Variants in MMP14 observed in about 807,000 individuals in gnomAD.
MMP14 encodes matrix metalloproteinase-14.
Under a neutral mutation model 64.8 loss-of-function variants are expected in MMP14, and 13 were observed. The ratio of observed to expected loss-of-function variants is 0.20; its 90% CI spans 0.13 to 0.32. The LOEUF is 0.32. Ranked by LOEUF, MMP14 falls within the 10% of genes least tolerant of loss-of-function variation. MMP14 has a pLI of 1.00. For synonymous variants in MMP14, 322 were observed against 315.9 expected (o/e 1.02, Z -0.20); for missense variants, 594 against 783.8 (o/e 0.76, Z 2.89).
chr14:22,837,522 C>T, intron 1 of MMP14: 1 of 378,626 alleles, frequency 2.6e-6, no homozygotes, highest in Admixed American at 3.4e-5. Flanking sequence ...CTACCCGCAT[C>T]CCTGGCGTCG....
Position 22,843,942 on chromosome 14 carries a change from TC to T in MMP14, c.1011+74del, listed in dbSNP as rs1467589571. ...TGGGCATGGTGGCTCATGCCTGTAA[TC>T]CTAGCACTTTGAGAGGCCAAGGCAG... On this transcript the variant is annotated intron_variant, in intron 6 of 9. Coordinates refer to ENST00000311852, the MANE Select transcript of MMP14 (RefSeq NM_004995.4). This position sits in a 1 kb window ranked among gnomAD's most constrained non-coding sequence, Gnocchi z 4.8. 6 of 1,566,304 alleles carry T rather than the reference TC, an allele frequency of 3.8e-6. No individual in the cohort carries two copies. The African/African-American group carries it at 6.9e-5, about 18-fold the overall frequency.
In MMP14 at chr14:22,843,722, G is replaced by C. The variant is rs138573365; in HGVS notation, c.863G>C (p.Gly288Ala). The change falls in exon 6 of 10, where the codon GGG (glycine) becomes GCG (alanine). Residue 288 changes from glycine to alanine, a missense_variant. Around this residue, in one of 4 missense-constraint regions of MMP14, gnomAD observed 364 missense variants for 425.2 expected, o/e 0.86. Transcript: ENST00000311852. This position sits in a 1 kb window ranked among gnomAD's most constrained non-coding sequence, Gnocchi z 4.8. ...GIQQLYGGES[G>A]FPTKMPPQPR... ...TTTTCTGCCCCAGGGGGTGAGTCAGGGTTCCCCACCAAGATGCCCCCTCAA... is the reference window on the plus strand; with the variant it reads ...TTTTCTGCCCCAGGGGGTGAGTCAGCGTTCCCCACCAAGATGCCCCCTCAA... 4 of 1,590,542 alleles carry C rather than the reference G, an allele frequency of 2.5e-6. No individual in the cohort carries two copies. Among genetic ancestry groups the C allele is most frequent in the East Asian group, 2.2e-5 (1 of 44,626 alleles).
Position 22,844,295 on chromosome 14 carries a change from C to A in MMP14, c.1012-76C>A, listed in dbSNP as rs183098546. 52 of 1,581,402 alleles carry A rather than the reference C, an allele frequency of 3.3e-5. 1 individual carries two copies. The East Asian group carries it at 8.3e-4, about 25-fold the overall frequency. On this transcript the variant is annotated intron_variant, in intron 6 of 9. Coordinates refer to ENST00000311852, the MANE Select transcript of MMP14 (RefSeq NM_004995.4). ...TAAAACTGAGGAACAAACAGCAGTG[C>A]GGGAGCTTTGGGGACTGAACCAGAG...
rs1189817131 is a variant in MMP14 at position 22,846,825 on chromosome 14, CAGGT to C, written c.*790_*793del. On this transcript the variant is annotated 3_prime_UTR_variant, in exon 10 of 10. Transcript: ENST00000311852. ...GAGCTGAAACCAGGGGTGCAGCTGT[CAGGT>C]AGGGTGGGGCCGGTGGGAGAGGCCC... The C allele has an allele frequency of 1.2e-4, 18 of 152,718 alleles. No homozygotes were observed. The highest frequency in any genetic ancestry group is 5.9e-5 in the Non-Finnish European group (4 of 68,198). The allele number at this position is 152,718 out of a possible 1,614,324, so 9.5% of individuals were successfully genotyped here.
chr14:22,846,189 C>A lies in MMP14; in HGVS notation c.*150C>A. On this transcript the variant is annotated 3_prime_UTR_variant, in exon 10 of 10. Transcript: ENST00000311852. The stretch of plus-strand genomic sequence containing the variant: ...TCTCTGTCCCCTGGCTGGCCTCCTT[C>A]ACCCTGACCGCCTCCCTCCCTCCTG... 1.3e-6 allele frequency: 1 copy of A among 743,366 alleles called. No homozygotes were observed. The highest frequency in any genetic ancestry group is 3.9e-4 in the Middle Eastern group (1 of 2,588). 46.0% of individuals were successfully genotyped at this position (743,366 alleles called of 1,614,324 possible). A position where few individuals can be genotyped will look rare whatever the true frequency, so the allele number is the denominator to read the frequency against.
intron 2 of MMP14, 69 bp downstream of exon 2, chr14:22,841,708 T>C: frequency 6.3e-7 from 1 of 1,597,196 alleles, no homozygotes; most frequent in East Asian, 2.2e-5. Flanking sequence ...GAGATGTTCC[T>C]ACCTGAATGC....
intron 1 of MMP14, among the ~76,000 whole-genome samples, chr14:22,841,111 A>T (rs1164002908): frequency 3.3e-5 from 5 of 152,250 alleles, no homozygotes; most frequent in Non-Finnish European, 7.3e-5. Flanking sequence ...CATCATGGGC[A>T]TAGCCCAGTC....
intron 9 of MMP14, 83 bp from the exon 10 acceptor site, chr14:22,845,625 C>T: frequency 1.4e-6 from 2 of 1,415,556 alleles, no homozygotes; most frequent in Non-Finnish European, 2.0e-6. Flanking sequence ...GCTGCCCTCA[C>T]ATTAACAGAG....
rs779266784 is a variant in MMP14, at chr14:22,845,839, G to C, written c.1549G>C (p.Gly517Arg). 4.3e-6 allele frequency: 7 copies of C among 1,614,202 alleles called. No individual in the cohort carries two copies. Among genetic ancestry groups the C allele is most frequent in the Non-Finnish European group, 5.9e-6 (7 of 1,180,042 alleles). Residue 517 changes from glycine (G) to arginine (R), a missense_variant, in exon 10 of 10, where the codon GGG (glycine) becomes CGG (arginine). This residue lies in a region of MMP14 where 364 missense variants were observed against 425.2 expected (regional missense o/e 0.86). Transcript: ENST00000311852. ...CCCATCGGGAGGCCGGCCGGATGAG[G>C]GGACTGAGGAGGAGACGGAGGTGAT... ...GCPSGGRPDEGTEEETEVIII... is the reference protein window; with the variant it reads ...GCPSGGRPDERTEEETEVIII...
chr14:22,837,668 A>G (rs1188807961), intron 1 of MMP14, among the ~76,000 whole-genome samples: 1 of 152,174 alleles, frequency 6.6e-6, no homozygotes, highest in East Asian at 1.9e-4. Context: ...TGTTGTTAAT[A>G]GTTTTTCTGT....
intron 9 of MMP14, 62 bp from the exon 10 acceptor site, chr14:22,845,646 T>C: frequency 1.3e-6 from 2 of 1,524,488 alleles, no homozygotes; most frequent in South Asian, 2.3e-5. Flanking sequence ...CTTCCCTCGC[T>C]CCTCTCCTCT....
intron 1 of MMP14, chr14:22,837,319 A>C (rs1419960855): frequency 1.1e-5 from 5 of 465,788 alleles, no homozygotes; most frequent in Non-Finnish European, 2.1e-5. Context: ...GTCATGCGCG[A>C]GAGTTTGTTG....
chr14:22,845,334 C>A lies in MMP14; in HGVS notation c.1385C>A (p.Ser462Tyr). 3 of 1,612,656 alleles carry A rather than the reference C, an allele frequency of 1.9e-6. No individual in the cohort carries two copies. Among genetic ancestry groups the A allele is most frequent in the Non-Finnish European group, 2.5e-6 (3 of 1,179,276 alleles). ...AAAGTCTGGGAAGGGATCCCTGAGT[C>A]TCCCAGAGGGTCATTCATGGGCAGC... is the stretch of plus-strand genomic sequence containing the variant. ...NIKVWEGIPE[S>Y]PRGSFMGSDE... Residue 462 changes from serine (S) to tyrosine (Y), a missense_variant, in exon 9 of 10, where the codon TCT (serine) becomes TAT (tyrosine). Around this residue, in one of 4 missense-constraint regions of MMP14, gnomAD observed 364 missense variants for 425.2 expected, o/e 0.86. Transcript: ENST00000311852.
rs564973724 is a variant in MMP14, at chr14:22,844,809, C to T, written c.1301+29C>T. 6 of 1,613,068 alleles carry T rather than the reference C, an allele frequency of 3.7e-6. No homozygotes were observed. The African/African-American group carries it at 5.3e-5, about 14-fold the overall frequency. On this transcript the variant is annotated intron_variant, in intron 8 of 9. Transcript: ENST00000311852. ...AGACCTCAACCCCTTAACCCCAGGC[C>T]TCCCTCAGAAACCACCACCACCCCA...
rs767809065 is a variant in MMP14 at position 22,842,536 on chromosome 14, G to A, written c.507G>A (p.Glu169=). Residue 169 remains glutamate, a synonymous_variant, in exon 4 of 10, where the codon GAG becomes GAA. Coordinates refer to ENST00000311852, the MANE Select transcript of MMP14 (RefSeq NM_004995.4). This position sits in a 1 kb window ranked among gnomAD's most constrained non-coding sequence, Gnocchi z 5.3. ...FREVPYAYIR[E]GHEKQADIMI... is the part of the protein sequence containing the mutation. ...AGGTGCCCTATGCCTACATCCGTGA[G>A]GGCCATGAGAAGCAGGCCGACATCA... 2.5e-5 allele frequency: 40 copies of A among 1,614,022 alleles called. No individual in the cohort carries two copies. The South Asian group carries it at 4.3e-4, about 17-fold the overall frequency.
In MMP14 at chr14:22,842,159, G is replaced by A; in HGVS notation, c.380+124G>A. 1 of 1,377,004 alleles carries A rather than the reference G, an allele frequency of 7.3e-7. No individual in the cohort carries two copies. Among genetic ancestry groups the A allele is most frequent in the Non-Finnish European group, 1.0e-6 (1 of 995,870 alleles). The allele number at this position is 1,377,004 out of a possible 1,614,324, so 85.3% of individuals were successfully genotyped here. On this transcript the variant is annotated intron_variant, in intron 3 of 9. Transcript: ENST00000311852. This position sits in a 1 kb window ranked among gnomAD's most constrained non-coding sequence, Gnocchi z 5.3. ...CAGTTCCTGGGAAGCATCCGTGGGA[G>A]TGGGGAGGAAAATGGCTCTCATCCT... is the stretch of plus-strand genomic sequence containing the variant.
At chr14:22,845,149 G>A in intron 8 of MMP14, 102 bp from the exon 9 acceptor site, 1 of 838,796 alleles carries the variant, frequency 1.2e-6, no homozygotes, top group South Asian at 1.6e-5. Context: ...TCCCCACCCT[G>A]TCCACAGCTA....
chr14:22,845,693 A>C lies in MMP14; in HGVS notation c.1418-15A>C, dbSNP rs573663934. On this transcript the variant is annotated splice_polypyrimidine_tract_variant and intron_variant, in intron 9 of 9. Transcript: ENST00000311852. Reference sequence around the variant, plus strand: ...GTCTTCCCTTCCTTACCACCTTCTGATTCACTCCCTGCAGTCTTCACTTAC... The same window carrying C: ...GTCTTCCCTTCCTTACCACCTTCTGCTTCACTCCCTGCAGTCTTCACTTAC... 6.2e-7 allele frequency: 1 copy of C among 1,612,798 alleles called. No homozygotes were observed. The highest frequency in any genetic ancestry group is 1.3e-5 in the African/African-American group (1 of 74,982).
Position 22,845,757 on chromosome 14 carries a change from G to A in MMP14, c.1467G>A (p.Gln489=). 6.2e-7 allele frequency: 1 copy of A among 1,614,174 alleles called. No individual in the cohort carries two copies. Among genetic ancestry groups the A allele is most frequent in the South Asian group, 1.1e-5 (1 of 91,088 alleles). ...ACAAATACTGGAAATTCAACAACCA[G>A]AAGCTGAAGGTAGAACCGGGCTACC... The part of the protein sequence containing the change: ...KGNKYWKFNN[Q]KLKVEPGYPK... Residue 489 remains glutamine (Q), a synonymous_variant, in exon 10 of 10, where the codon CAG becomes CAA. Coordinates refer to ENST00000311852, the MANE Select transcript of MMP14 (RefSeq NM_004995.4).
Sources: allele counts gnomAD v4.1 joint callset (sites outside exome capture counted in the v4.1 genomes callset), GRCh38; gene constraint gnomAD v4.1.1; regional missense constraint gnomAD v4.1.1; non-coding constraint Gnocchi (gnomAD v3.1); transcripts MANE v1.5; gene names NCBI Gene and HGNC (gene_info 2026-07-23, HGNC 2026-07-21).